Variants in THADA observed in about 807,000 individuals in gnomAD.
THADA encodes THADA armadillo repeat containing.
THADA carries 213 observed loss-of-function variants against 219.8 expected under a neutral mutation model. The ratio of observed to expected loss-of-function variants is 0.97; its 90% CI spans 0.87 to 1.09. THADA has a LOEUF of 1.09. Ranked by LOEUF, THADA falls within the 50% of genes least tolerant of loss-of-function variation. The probability of loss-of-function intolerance (pLI) is 0.00; values close to 1 mark genes in which losing one functional copy is unlikely to be tolerated. For synonymous variants in THADA, 1,018 were observed against 828.9 expected, an observed-to-expected ratio of 1.23 and a Z score of -3.92; for missense variants, 2,956 against 2,311.3, an observed-to-expected ratio of 1.28 and a Z score of -5.72.
intron 36 of THADA, among the ~76,000 whole-genome samples, chr2:43,253,644 A>G (rs368745516): frequency 5.9e-5 from 9 of 152,256 alleles, no homozygotes; most frequent in Non-Finnish European, 1.3e-4. Flanking sequence ...CCAAACTGCT[A>G]CGATGGCCTA....
intron 26 of THADA, among the ~76,000 whole-genome samples, chr2:43,475,189 G>C (rs1375306904): frequency 6.6e-6 from 1 of 152,094 alleles, no homozygotes; most frequent in African/African-American, 2.4e-5. Flanking sequence ...GGCTGAGGTG[G>C]GTGGATCACT....
chr2:43,414,096 T>C (rs140050222), intron 28 of THADA, among the ~76,000 whole-genome samples: 2,082 of 152,356 alleles, frequency 0.014, 45 homozygotes, highest in South Asian at 0.12. Context: ...GTTTTATTGT[T>C]GTGTTTACTT....
chr2:43,409,947 G>A (rs761941151), intron 28 of THADA, among the ~76,000 whole-genome samples: 3 of 151,852 alleles, frequency 2.0e-5, no homozygotes, highest in Non-Finnish European at 2.9e-5. Context: ...AGCCTAGGAG[G>A]TTGAGGCTAC....
At chr2:43,318,177 C>T (rs891706119) in intron 31 of THADA, among the ~76,000 whole-genome samples, 11 of 152,016 alleles carry the variant, frequency 7.2e-5, no homozygotes, top group Non-Finnish European at 1.3e-4. Context: ...GTACCTAGGC[C>T]TACAGATGTG....
chr2:43,467,514 A>G (rs915024843), intron 26 of THADA, among the ~76,000 whole-genome samples: 2 of 152,138 alleles, frequency 1.3e-5, no homozygotes, highest in Non-Finnish European at 2.9e-5. Flanking sequence ...ATGTTTACCT[A>G]CCCACACAGC....
intron 21 of THADA, among the ~76,000 whole-genome samples, chr2:43,533,604 G>A (rs549611382): frequency 6.6e-6 from 1 of 152,272 alleles, no homozygotes; most frequent in East Asian, 1.9e-4. Context: ...CTTGGATGAA[G>A]CTGGAAGCCA....
chr2:43,536,233 G>A (rs937181971), intron 21 of THADA, among the ~76,000 whole-genome samples: 2 of 152,116 alleles, frequency 1.3e-5, no homozygotes, highest in Non-Finnish European at 2.9e-5. Flanking sequence ...AGAGTTCGTG[G>A]AGCCTTTATC....
rs182993516 is a variant in THADA at position 43,320,332 on chromosome 2, G to T, written c.4438+114C>A. 61 of 689,116 alleles carry T rather than the reference G, an allele frequency of 8.9e-5. No homozygotes were observed. In the African/African-American group the frequency reaches 8.9e-4, roughly 10 times the overall value. 42.7% of individuals were successfully genotyped at this position (689,116 alleles called of 1,614,324 possible). A position where few individuals can be genotyped will look rare whatever the true frequency, so the allele number is the denominator to read the frequency against. ...TGACACTGTTTAATTTTGATGTGTG[G>T]TTAGTCTTACAAAAGTAGAAGGTGG... On this transcript the variant is annotated intron_variant, in intron 31 of 37. Coordinates refer to ENST00000405975, the MANE Select transcript of THADA (RefSeq NM_022065.5).
chr2:43,252,768 C>T (rs975282063), intron 36 of THADA, among the ~76,000 whole-genome samples: 17 of 152,208 alleles, frequency 1.1e-4, no homozygotes, highest in African/African-American at 4.1e-4. Flanking sequence ...CCCTAGCCAC[C>T]TCTCCCCAAA....
chr2:43,317,696 CAAAG>C (rs1414277009), intron 31 of THADA, among the ~76,000 whole-genome samples: 6 of 152,150 alleles, frequency 3.9e-5, no homozygotes, highest in Non-Finnish European at 8.8e-5. Flanking sequence ...ATTCCATCCT[CAAAG>C]AAAGAAAATA....
chr2:43,495,534 T>C (rs899243781), intron 25 of THADA, among the ~76,000 whole-genome samples: 5 of 152,124 alleles, frequency 3.3e-5, no homozygotes, highest in Non-Finnish European at 7.4e-5. Flanking sequence ...AACAGGTGAC[T>C]TTTACTGTTC....
intron 16 of THADA, among the ~76,000 whole-genome samples, chr2:43,557,455 A>G (rs375912387): frequency 6.6e-6 from 1 of 152,154 alleles, no homozygotes; most frequent in African/African-American, 2.4e-5. Context: ...ACTGGAGAAA[A>G]CTGCAAATCC....
intron 26 of THADA, among the ~76,000 whole-genome samples, chr2:43,478,575 A>T (rs916384639): frequency 2.0e-5 from 3 of 152,230 alleles, no homozygotes; most frequent in African/African-American, 7.2e-5. Flanking sequence ...AGCTAAGAAA[A>T]AATATTTACT....
intron 26 of THADA, among the ~76,000 whole-genome samples, chr2:43,467,098 C>T (rs368509645): frequency 6.6e-5 from 9 of 136,916 alleles, no homozygotes; most frequent in East Asian, 2.3e-4. Flanking sequence ...AGGAGAATGG[C>T]GTGAACCCGG....
At chr2:43,492,873 G>C (rs1268947051) in intron 25 of THADA, among the ~76,000 whole-genome samples, 1 of 152,170 alleles carries the variant, frequency 6.6e-6, no homozygotes, top group Non-Finnish European at 1.5e-5. Context: ...AAGAGACAGG[G>C]TTTAAACTAG....
At chr2:43,387,797 G>A (rs1672879314) in intron 29 of THADA, among the ~76,000 whole-genome samples, 1 of 152,220 alleles carries the variant, frequency 6.6e-6, no homozygotes, top group South Asian at 2.1e-4. Context: ...TGTCAAGAGT[G>A]CCGAGGCTGA....
intron 26 of THADA, among the ~76,000 whole-genome samples, chr2:43,452,426 T>C (rs1449313912): frequency 6.6e-6 from 1 of 152,136 alleles, no homozygotes; most frequent in Non-Finnish European, 1.5e-5. Context: ...AACATCAAAA[T>C]ACAGCTTGGA....
rs559413967 is a variant in THADA, at chr2:43,350,652, G to A, written c.4228-6415C>T. On this transcript the variant is annotated intron_variant, in intron 29 of 37. Transcript: ENST00000405975. The stretch of plus-strand genomic sequence containing the variant: ...TTCACAGCCCAACTGGGCTAGAGCC[G>A]GAACCTTGGGATACCTGAATTCCTC... Among the ~76,000 whole-genome samples, 43 of 152,296 alleles carry A rather than the reference G, an allele frequency of 2.8e-4. No homozygotes were observed. The South Asian group carries it at 2.9e-3, about 10-fold the overall frequency.
intron 26 of THADA, among the ~76,000 whole-genome samples, chr2:43,473,976 T>C (rs1208074501): frequency 6.6e-6 from 1 of 152,106 alleles, no homozygotes; most frequent in East Asian, 1.9e-4. Flanking sequence ...ACCACAAACA[T>C]GCGACTAACA....
Sources: gnomAD v4.1 joint callset for allele counts (sites outside exome capture counted in the v4.1 genomes callset) on GRCh38, gnomAD v4.1.1 for gene constraint, MANE v1.5 for transcripts, NCBI Gene and HGNC (gene_info 2026-07-23, HGNC 2026-07-21) for gene names.